Variants in CACNB2 observed in about 807,000 individuals in gnomAD.
CACNB2 encodes voltage-dependent L-type calcium channel subunit beta-2.
CACNB2 carries 42 observed loss-of-function variants against 73.3 expected under a neutral mutation model. That is an observed-to-expected ratio of 0.57 (90% confidence interval 0.45 to 0.74). The LOEUF is 0.74. Ranked by LOEUF, CACNB2 falls within the 30% of genes least tolerant of loss-of-function variation. The pLI, the probability that CACNB2 is intolerant of heterozygous loss-of-function variation, is 0.00. For missense variants in CACNB2, 940 were observed against 853.0 expected, an observed-to-expected ratio of 1.10 and a Z score of -1.27; for synonymous variants, 348 against 310.3, an observed-to-expected ratio of 1.12 and a Z score of -1.28.
intron 2 of CACNB2, among the ~76,000 whole-genome samples, chr10:18,257,888 CAT>C (rs1244127790): frequency 2.0e-5 from 3 of 152,314 alleles, no homozygotes; most frequent in Admixed American, 6.5e-5. Flanking sequence ...GGATTACAGA[CAT>C]GTGCCACCCT....
chr10:18,349,911 GC>G (rs1411082305), intron 2 of CACNB2, among the ~76,000 whole-genome samples: 14 of 152,082 alleles, frequency 9.2e-5, no homozygotes, highest in African/African-American at 3.4e-4. Flanking sequence ...CACGTATGTT[GC>G]ATGAGGCCAA....
chr10:18,450,363 G>T (rs1262667021), intron 3 of CACNB2, among the ~76,000 whole-genome samples: 1 of 152,026 alleles, frequency 6.6e-6, no homozygotes, highest in East Asian at 1.9e-4. Flanking sequence ...TATCTTGTAT[G>T]CATTGTACCT....
chr10:18,418,756 C>CA (rs1251217179), intron 3 of CACNB2, among the ~76,000 whole-genome samples: 1 of 152,208 alleles, frequency 6.6e-6, no homozygotes, highest in Non-Finnish European at 1.5e-5. Flanking sequence ...CACAGGGCAT[C>CA]AGGGCGTCAG....
chr10:18,396,715 C>T (rs2043731100), intron 2 of CACNB2, among the ~76,000 whole-genome samples: 2 of 152,216 alleles, frequency 1.3e-5, no homozygotes, highest in South Asian at 4.1e-4. Flanking sequence ...AGGTGATCCA[C>T]CCACCTCGGC....
intron 2 of CACNB2, among the ~76,000 whole-genome samples, chr10:18,285,222 C>T (rs1269883152): frequency 6.6e-6 from 1 of 152,216 alleles, no homozygotes; most frequent in Non-Finnish European, 1.5e-5. Flanking sequence ...TGGGCTGCCT[C>T]CGTGACTCAC....
chr10:18,407,275 C>T (rs532086877), intron 3 of CACNB2, among the ~76,000 whole-genome samples: 1 of 151,408 alleles, frequency 6.6e-6, no homozygotes, highest in Non-Finnish European at 1.5e-5. Flanking sequence ...GCACGCACCA[C>T]CACACCCAGA....
intron 2 of CACNB2, among the ~76,000 whole-genome samples, chr10:18,310,637 AAAAAG>A (rs1331621969): frequency 1.3e-5 from 2 of 150,274 alleles, no homozygotes; most frequent in Non-Finnish European, 3.0e-5. Context: ...AAGTAAAAAA[AAAAAG>A]AAAATTATAA....
intron 3 of CACNB2, among the ~76,000 whole-genome samples, chr10:18,415,741 A>G (rs1198702453): frequency 1.3e-5 from 2 of 152,116 alleles, no homozygotes; most frequent in Non-Finnish European, 2.9e-5. Context: ...TCAATTCGCA[A>G]TTTACTTAAT....
chr10:18,491,131 G>A (rs1431036764), intron 3 of CACNB2, among the ~76,000 whole-genome samples: 2 of 152,162 alleles, frequency 1.3e-5, no homozygotes, highest in African/African-American at 4.8e-5. Context: ...TTTACCTTAA[G>A]GAGAAAGCAC....
At position 18,539,249 on chromosome 10, in the gene CACNB2, G is replaced by C. The variant is rs745711372; in HGVS notation, c.1508G>C (p.Arg503Thr). ...SNSQGSQGDQ[R>T]TDRSAPIRSA... ...TGCCAGGGTTCTCAAGGTGATCAGA[G>C]GACTGATCGCTCCGCTCCTATCCGT... Residue 503 changes from arginine (R) to threonine (T), a missense_variant, in exon 14 of 14, where the codon AGG becomes ACG. Physicochemically the swap from Arg to Thr is moderately conservative, Grantham distance 71. Transcript: ENST00000324631. 1.2e-6 allele frequency: 2 copies of C among 1,613,864 alleles called. No individual in the cohort carries two copies. The highest frequency in any genetic ancestry group is 3.3e-5 in the Admixed American group (2 of 59,970).
chr10:18,509,607 T>C (rs575175302), intron 6 of CACNB2, among the ~76,000 whole-genome samples: 1 of 152,240 alleles, frequency 6.6e-6, no homozygotes, highest in African/African-American at 2.4e-5. Context: ...AAGACCAGCC[T>C]GGACAATGTA....
At chr10:18,363,001 T>C (rs1200134505) in intron 2 of CACNB2, among the ~76,000 whole-genome samples, 1 of 152,198 alleles carries the variant, frequency 6.6e-6, no homozygotes, top group Non-Finnish European at 1.5e-5. Context: ...TCTGGGCTAA[T>C]TGGCTCTACC....
chr10:18,354,521 T>C (rs1427398070), intron 2 of CACNB2, among the ~76,000 whole-genome samples: 1 of 152,140 alleles, frequency 6.6e-6, no homozygotes, highest in Non-Finnish European at 1.5e-5. Context: ...GTGTGGTTGA[T>C]TGTGTTGGAT....
At chr10:18,340,591 T>C in intron 2 of CACNB2, 1 of 849,840 alleles carries the variant, frequency 1.2e-6, no homozygotes, top group Middle Eastern at 4.6e-4. Flanking sequence ...AATGAAGTGT[T>C]ACTGTACTTT....
At chr10:18,392,639 G>C (rs1385784099) in intron 2 of CACNB2, among the ~76,000 whole-genome samples, 1 of 152,136 alleles carries the variant, frequency 6.6e-6, no homozygotes, top group Non-Finnish European at 1.5e-5. Context: ...AATCACGTGA[G>C]TTTGCTGATT....
chr10:18,524,993 C>G (rs1191021623), intron 9 of CACNB2, among the ~76,000 whole-genome samples: 1 of 143,784 alleles, frequency 7.0e-6, no homozygotes, highest in Non-Finnish European at 1.5e-5. Context: ...TTACTACACC[C>G]TTGCACTCCA....
chr10:18,259,909 C>CA (rs1157990116), intron 2 of CACNB2, among the ~76,000 whole-genome samples: 1 of 151,904 alleles, frequency 6.6e-6, no homozygotes, highest in Non-Finnish European at 1.5e-5. Context: ...GACCCTATCT[C>CA]AAAAAAGCCT....
intron 2 of CACNB2, among the ~76,000 whole-genome samples, chr10:18,383,627 A>C (rs2043105753): frequency 6.6e-6 from 1 of 152,232 alleles, no homozygotes; most frequent in Admixed American, 6.5e-5. Flanking sequence ...ACCATAAATA[A>C]ATACATAAGT....
rs1249000578 is a variant in CACNB2, at chr10:18,539,707, G to A, written c.1966G>A (p.Val656Ile). ...TGAGGCTGGGGAGTGGAACAGGGAT[G>A]TTTACATCCGCCAATGAGTTTTGCC... is the stretch of plus-strand genomic sequence containing the variant. The part of the protein sequence containing the change: ...RNEAGEWNRD[V>I]YIRQ Residue 656 changes from valine (V) to isoleucine (I), a missense_variant, in exon 14 of 14, where the codon GTT becomes ATT. Coordinates refer to ENST00000324631, the MANE Select transcript of CACNB2 (RefSeq NM_201596.3). 4.4e-6 allele frequency: 7 copies of A among 1,598,030 alleles called. No individual in the cohort carries two copies. Among genetic ancestry groups the A allele is most frequent in the South Asian group, 3.3e-5 (3 of 89,952 alleles).
Sources: gnomAD v4.1 joint callset for allele counts (sites outside exome capture counted in the v4.1 genomes callset) on GRCh38, gnomAD v4.1.1 for gene constraint, MANE v1.5 for transcripts, NCBI Gene and HGNC (gene_info 2026-07-23, HGNC 2026-07-21) for gene names.